The following LGSN variants were observed in gnomAD, a reference collection of about 807,000 sequenced individuals.
LGSN encodes lengsin, lens protein with glutamine synthetase domain, also known as lengsin.
In LGSN, 21 loss-of-function variants were observed where a neutral mutation model predicts 19.5. That is an observed-to-expected ratio of 1.07 (90% CI 0.76 to 1.55). The LOEUF is 1.55. Ranked by LOEUF, LGSN falls within the 40% of genes most tolerant of loss-of-function variation. LGSN has a pLI of 0.00. For synonymous variants in LGSN, 257 were observed against 215.6 expected, an observed-to-expected ratio of 1.19 and a Z score of -1.68; for missense variants, 673 against 608.5, an observed-to-expected ratio of 1.11 and a Z score of -1.12.
intron 1 of LGSN, among the ~76,000 whole-genome samples, chr6:63,318,558 C>A (rs1260007198): frequency 3.3e-5 from 5 of 152,122 alleles, no homozygotes; most frequent in Admixed American, 3.3e-4. Context: ...ATGCTCTATT[C>A]CAACTTTGAG....
At chr6:63,390,817 G>A in the LGSN span, among the ~76,000 whole-genome samples, 16 of 140,240 alleles carry the variant, frequency 1.1e-4, no homozygotes, top group South Asian at 2.2e-4. Context: ...CCGAGATCAC[G>A]CCACTGCACT....
At chr6:63,390,413 A>C in the LGSN span, among the ~76,000 whole-genome samples, 1 of 150,334 alleles carries the variant, frequency 6.7e-6, no homozygotes, top group Non-Finnish European at 1.5e-5. Flanking sequence ...TACAGGTTTG[A>C]GCCATTGTGC....
chr6:63,361,128 G>A, the LGSN span, among the ~76,000 whole-genome samples: 5 of 152,336 alleles, frequency 3.3e-5, no homozygotes, highest in East Asian at 9.6e-4. Flanking sequence ...AAGGCAGTCT[G>A]TCCATTCTCA....
the LGSN span, among the ~76,000 whole-genome samples, chr6:63,449,282 G>A: frequency 6.6e-6 from 1 of 152,074 alleles, no homozygotes; most frequent in African/African-American, 2.4e-5. Context: ...AAGACAGGCT[G>A]GGCGCGGTGG....
At chr6:63,420,633 T>C in the LGSN span, among the ~76,000 whole-genome samples, 1 of 152,198 alleles carries the variant, frequency 6.6e-6, no homozygotes, top group Non-Finnish European at 1.5e-5. Context: ...TGGTAGCGCC[T>C]TCCTTTGCTG....
At chr6:63,465,782 A>G in the LGSN span, among the ~76,000 whole-genome samples, 1 of 152,190 alleles carries the variant, frequency 6.6e-6, no homozygotes, top group Non-Finnish European at 1.5e-5. Flanking sequence ...TTGATTAGTA[A>G]ACTGAAAAAG....
the LGSN span, among the ~76,000 whole-genome samples, chr6:63,452,944 C>T: frequency 2.0e-5 from 3 of 152,158 alleles, no homozygotes; most frequent in South Asian, 6.2e-4. Context: ...AACTTTCCAA[C>T]CAAGTGCTGT....
the LGSN span, among the ~76,000 whole-genome samples, chr6:63,404,134 C>T: frequency 1.3e-5 from 2 of 152,072 alleles, no homozygotes; most frequent in East Asian, 1.9e-4. Flanking sequence ...AGACCTTAAG[C>T]GAAGGACCTA....
At chr6:63,478,077 TAAA>T in the LGSN span, among the ~76,000 whole-genome samples, 4 of 152,006 alleles carry the variant, frequency 2.6e-5, no homozygotes, top group Non-Finnish European at 4.4e-5. Context: ...AAAAACAAAA[TAAA>T]AGAAGAATAA....
rs140747469 is a variant in LGSN, at chr6:63,293,486, G to A, written c.163+1427C>T. On this transcript the variant is annotated intron_variant, in intron 2 of 3. Coordinates refer to ENST00000370657, the MANE Select transcript of LGSN (RefSeq NM_016571.3). ...TATTTTCCAGATGAACAGCCTAAAG[G>A]GTAAAGAAAACTACAAAGTATTTTA... 2.6e-5 allele frequency among the ~76,000 whole-genome samples: 4 copies of A among 152,142 alleles called. No individual in the cohort carries two copies. In the East Asian group the frequency reaches 7.7e-4, roughly 29 times the overall value.
the LGSN span, among the ~76,000 whole-genome samples, chr6:63,516,460 C>T: frequency 6.6e-6 from 1 of 152,192 alleles, no homozygotes; most frequent in South Asian, 2.1e-4. Flanking sequence ...CAAAGTAGTG[C>T]TTGAGAGCTC....
At chr6:63,458,683 C>G in the LGSN span, among the ~76,000 whole-genome samples, 8 of 152,150 alleles carry the variant, frequency 5.3e-5, no homozygotes, top group Non-Finnish European at 1.2e-4. Flanking sequence ...CGCTAGGGAC[C>G]TCTCTAATTC....
At chr6:63,439,715 T>C in the LGSN span, among the ~76,000 whole-genome samples, 1 of 152,188 alleles carries the variant, frequency 6.6e-6, no homozygotes, top group African/African-American at 2.4e-5. Context: ...TAAATATGCA[T>C]GTTCACTTCT....
chr6:63,572,740 C>T, the LGSN span: 1 of 398,388 alleles, frequency 2.5e-6, no homozygotes. Flanking sequence ...GTCGCATCGT[C>T]GCCTCTCGGG....
intron 1 of LGSN, among the ~76,000 whole-genome samples, chr6:63,316,100 A>T (rs1443626340): frequency 6.6e-6 from 1 of 152,106 alleles, no homozygotes; most frequent in Non-Finnish European, 1.5e-5. Context: ...GTCAGGGTCA[A>T]CCTGGTTAAT....
chr6:63,572,862 C>A, the LGSN span: 81 of 390,912 alleles, frequency 2.1e-4, 1 homozygote, highest in South Asian at 9.8e-3. Context: ...TGGGAGCGGG[C>A]GGGTTATGGC....
At chr6:63,523,550 C>A in the LGSN span, among the ~76,000 whole-genome samples, 1 of 152,068 alleles carries the variant, frequency 6.6e-6, no homozygotes, top group Non-Finnish European at 1.5e-5. Flanking sequence ...AGAAATTCTG[C>A]AAGGTGGTAA....
the LGSN span, among the ~76,000 whole-genome samples, chr6:63,372,091 T>C: frequency 1.3e-5 from 2 of 152,224 alleles, no homozygotes; most frequent in Admixed American, 6.5e-5. Context: ...ATAGGCTATT[T>C]TGTGACTACA....
the LGSN span, among the ~76,000 whole-genome samples, chr6:63,388,310 T>C: frequency 6.6e-6 from 1 of 152,212 alleles, no homozygotes; most frequent in Non-Finnish European, 1.5e-5. Context: ...AAATTTAAGA[T>C]ACCAGCTTCT....
Sources: allele counts gnomAD v4.1 joint callset (sites outside exome capture counted in the v4.1 genomes callset), GRCh38; gene constraint gnomAD v4.1.1; transcripts MANE v1.5; gene names NCBI Gene and HGNC (gene_info 2026-07-23, HGNC 2026-07-21).